EML1: variants seen among roughly 807,000 people sequenced by gnomAD.
EML1 encodes the protein echinoderm microtubule-associated protein-like 1.
Under a neutral mutation model 110.4 loss-of-function variants are expected in EML1, and 27 were observed. The observed-to-expected ratio is 0.24, with a 90% CI of 0.18 to 0.34. EML1 has a LOEUF of 0.34. Ranked by LOEUF, EML1 falls within the 10% of genes least tolerant of loss-of-function variation. EML1 has a pLI of 1.00. For synonymous variants in EML1, 344 were observed against 385.8 expected, an observed-to-expected ratio of 0.89 and a Z score of 1.27; for missense variants, 741 against 1,030.9, an observed-to-expected ratio of 0.72 and a Z score of 3.85.
chr14:99,868,871 T>C (rs1197360784), intron 3 of EML1, among the ~76,000 whole-genome samples: 4 of 152,172 alleles, frequency 2.6e-5, no homozygotes, highest in Non-Finnish European at 5.9e-5. Context: ...ATCTTCTTCT[T>C]CTAGTTCCTT....
chr14:99,887,246 A>T (rs1309015341), intron 4 of EML1, among the ~76,000 whole-genome samples: 1 of 152,188 alleles, frequency 6.6e-6, no homozygotes, highest in Admixed American at 6.5e-5. Flanking sequence ...AGCTCAAGGG[A>T]GCATACAGCC....
intron 1 of EML1, among the ~76,000 whole-genome samples, chr14:99,833,049 G>A (rs60590253): frequency 6.6e-6 from 1 of 152,084 alleles, no homozygotes; most frequent in East Asian, 1.9e-4. Context: ...ATGGATTGGG[G>A]TTTTGCTGTC....
intron 1 of EML1, among the ~76,000 whole-genome samples, chr14:99,748,307 T>C (rs536123526): frequency 2.0e-5 from 3 of 152,206 alleles, no homozygotes; most frequent in African/African-American, 7.2e-5. Context: ...TGCGGGAATA[T>C]GTGGGGTGAG....
At chr14:99,805,946 C>G (rs2057964936) in intron 1 of EML1, among the ~76,000 whole-genome samples, 1 of 152,148 alleles carries the variant, frequency 6.6e-6, no homozygotes, top group Middle Eastern at 3.2e-3. Context: ...AAACTGAAAT[C>G]TGTCCCCATT....
At chr14:99,838,615 G>A (rs1361337726) in intron 1 of EML1, among the ~76,000 whole-genome samples, 1 of 150,806 alleles carries the variant, frequency 6.6e-6, no homozygotes, top group East Asian at 1.9e-4. Flanking sequence ...CAGGATCATT[G>A]TTAAAAAGCT....
intron 1 of EML1, among the ~76,000 whole-genome samples, chr14:99,775,089 G>A (rs975335224): frequency 1.3e-5 from 2 of 152,188 alleles, no homozygotes; most frequent in Non-Finnish European, 2.9e-5. Flanking sequence ...TTAGGAATGC[G>A]GTTTGCTGGC....
At chr14:99,853,750 A>T (rs1442880436) in intron 2 of EML1, among the ~76,000 whole-genome samples, 1 of 151,446 alleles carries the variant, frequency 6.6e-6, no homozygotes, top group Non-Finnish European at 1.5e-5. Flanking sequence ...GTTCTCTGCA[A>T]CCTCCGCCTC....
chr14:99,800,969 C>T (rs921398416), intron 1 of EML1, among the ~76,000 whole-genome samples: 5 of 152,192 alleles, frequency 3.3e-5, no homozygotes, highest in East Asian at 1.9e-4. Flanking sequence ...TCCCACCTGC[C>T]GAGGCCCTGC....
intron 3 of EML1, among the ~76,000 whole-genome samples, chr14:99,877,690 T>C (rs1242002114): frequency 6.6e-6 from 1 of 152,130 alleles, no homozygotes; most frequent in African/African-American, 2.4e-5. Flanking sequence ...ACTCGTGACG[T>C]CCTGTTAGCA....
intron 4 of EML1, among the ~76,000 whole-genome samples, chr14:99,881,877 G>A (rs2139948278): frequency 6.6e-6 from 1 of 152,278 alleles, no homozygotes; most frequent in Non-Finnish European, 1.5e-5. Flanking sequence ...GGGATTACAG[G>A]CGTGAGCCAC....
At chr14:99,774,309 T>C (rs1317338832) in intron 1 of EML1, among the ~76,000 whole-genome samples, 1 of 152,168 alleles carries the variant, frequency 6.6e-6, no homozygotes, top group African/African-American at 2.4e-5. Flanking sequence ...ACCTCCACCC[T>C]AACCCGCATC....
At chr14:99,918,116 GT>G (rs1434986714) in intron 16 of EML1, among the ~76,000 whole-genome samples, 4 of 152,004 alleles carry the variant, frequency 2.6e-5, no homozygotes, top group African/African-American at 9.7e-5. Flanking sequence ...TTTTTTGTTT[GT>G]TTTTTGAGAC....
intron 9 of EML1, among the ~76,000 whole-genome samples, chr14:99,902,842 G>A (rs971916931): frequency 5.9e-5 from 9 of 152,288 alleles, no homozygotes; most frequent in African/African-American, 1.9e-4. Flanking sequence ...CCACAGATCA[G>A]GAACCCTGTA....
chr14:99,868,640 G>T (rs944591549), intron 3 of EML1, among the ~76,000 whole-genome samples: 2 of 151,788 alleles, frequency 1.3e-5, no homozygotes, highest in African/African-American at 4.8e-5. Context: ...TCTCGTTTTT[G>T]TTATATCCGT....
intron 1 of EML1, among the ~76,000 whole-genome samples, chr14:99,798,411 G>A (rs1041719163): frequency 4.5e-5 from 5 of 110,144 alleles, no homozygotes; most frequent in South Asian, 2.9e-4. Context: ...TTTTTTTTTC[G>A]AGACAGAGTC....
chr14:99,910,169 T>C, intron 11 of EML1, 73 bp from the exon 12 acceptor site: 2 of 1,159,872 alleles, frequency 1.7e-6, no homozygotes, highest in Non-Finnish European at 1.2e-6. Context: ...TTAGTACAAA[T>C]GAAAGGTTGT....
At chr14:99,796,231 A>AGAGAGAGAGAGAGAGG (rs1555390366) in intron 1 of EML1, among the ~76,000 whole-genome samples, 1 of 145,312 alleles carries the variant, frequency 6.9e-6, no homozygotes, top group African/African-American at 2.6e-5. Flanking sequence ...AGAGAGAGAG[A>AGAGAGAGAGAGAGAGG]AGATAATGTG....
chr14:99,886,099 A>G lies in EML1; in HGVS notation c.519-5100A>G, dbSNP rs898778549. The G allele has an allele frequency of 1.1e-5, 3 of 264,030 alleles. No homozygotes were observed. In the Admixed American group the frequency reaches 1.5e-4, roughly 14 times the overall value. The allele number at this position is 264,030 out of a possible 1,614,324, so 16.4% of individuals were successfully genotyped here. ...CCTATTTCTAATAAAAAGCTGCTTA[A>G]GGACAATTTTTGTAGAGTCATTATT... On this transcript the variant is annotated intron_variant, in intron 4 of 21. Transcript: ENST00000262233.
chr14:99,897,394 C>G, intron 7 of EML1, 100 bp downstream of exon 7: 1 of 1,187,152 alleles, frequency 8.4e-7, no homozygotes. Context: ...CAGTGAAACC[C>G]TGTCTCTAAA....
Sources: allele counts gnomAD v4.1 joint callset (sites outside exome capture counted in the v4.1 genomes callset), GRCh38; gene constraint gnomAD v4.1.1; transcripts MANE v1.5; gene names NCBI Gene and HGNC (gene_info 2026-07-23, HGNC 2026-07-21).